The following SPNS1 variants were observed in gnomAD, a reference collection of about 807,000 sequenced individuals.
SPNS1 encodes protein spinster homolog 1.
In SPNS1, 22 loss-of-function variants were observed where a neutral mutation model predicts 50.3. The observed-to-expected ratio is 0.44, with a 90% confidence interval of 0.31 to 0.62. SPNS1 has a LOEUF of 0.62. Ranked by LOEUF, SPNS1 falls within the 20% of genes least tolerant of loss-of-function variation. The pLI is 0.07. For missense variants in SPNS1, 576 were observed against 728.6 expected (o/e 0.79, Z 2.41); for synonymous variants, 295 against 317.4 (o/e 0.93, Z 0.75).
Position 28,974,798 on chromosome 16 carries a change from C to G in SPNS1, c.-354C>G, listed in dbSNP as rs1965270646. 2 of 1,535,612 alleles carry G rather than the reference C, an allele frequency of 1.3e-6. No homozygotes were observed. Among genetic ancestry groups the G allele is most frequent in the Admixed American group, 2.0e-5 (1 of 50,962 alleles). Reference sequence around the variant, plus strand: ...GCGTCACATGACCGGCTTTAAGCAACATGGCGGCTGCCGTGGTGCAGCGCC... The same window carrying G: ...GCGTCACATGACCGGCTTTAAGCAAGATGGCGGCTGCCGTGGTGCAGCGCC... On this transcript the variant is annotated 5_prime_UTR_variant, in exon 1 of 12. Transcript: ENST00000311008.
intron 2 of SPNS1, 62 bp from the exon 3 acceptor site, chr16:28,977,846 C>T: frequency 3.8e-6 from 6 of 1,587,148 alleles, no homozygotes; most frequent in Non-Finnish European, 5.2e-6. Flanking sequence ...GTGGTTCCAG[C>T]TGGGGTGGGA....
rs1965641330 is a variant in SPNS1, at chr16:28,983,690, C to T, written c.1321-96C>T. The T allele has an allele frequency of 7.2e-7, 1 of 1,379,750 alleles. No homozygotes were observed. Among genetic ancestry groups the T allele is most frequent in the Non-Finnish European group, 9.7e-7 (1 of 1,025,840 alleles). The allele number at this position is 1,379,750 out of a possible 1,614,324, so 85.5% of individuals were successfully genotyped here. A position where few individuals can be genotyped will look rare whatever the true frequency, so the allele number is the denominator to read the frequency against. ...CTCAAACCTCCTTCCCTTTCCTGGG[C>T]TCCACTTGTCTTTCTCCCTGGAGCT... On this transcript the variant is annotated intron_variant, in intron 10 of 11. Coordinates refer to ENST00000311008, the MANE Select transcript of SPNS1 (RefSeq NM_032038.3). The surrounding 1 kb of genome is among the most constrained non-coding windows in gnomAD (Gnocchi z 5.4).
chr16:28,978,196 C>G, intron 3 of SPNS1, 152 bp downstream of exon 3: 1 of 1,002,500 alleles, frequency 1.0e-6, no homozygotes, highest in Non-Finnish European at 1.5e-6. Flanking sequence ...CTGAGTTAAC[C>G]TGCCCCACCC....
chr16:28,984,263 C>T lies in SPNS1; in HGVS notation c.1551C>T (p.Arg517=), dbSNP rs750585579. ...DDRIVVPQRG[R]STRVPVASVL... Reference sequence around the variant, plus strand: ...GGATTGTGGTGCCCCAGCGGGGCCGCTCCACCCGCGTGCCCGTGGCCAGTG... The same window carrying T: ...GGATTGTGGTGCCCCAGCGGGGCCGTTCCACCCGCGTGCCCGTGGCCAGTG... The change falls in exon 12 of 12, where the codon CGC becomes CGT. Residue 517 remains arginine, a synonymous_variant. Coordinates refer to ENST00000311008, the MANE Select transcript of SPNS1 (RefSeq NM_032038.3). The T allele has an allele frequency of 6.2e-7, 1 of 1,612,266 alleles. No individual in the cohort carries two copies.
chr16:28,979,460 T>C lies in SPNS1; in HGVS notation c.652T>C (p.Trp218Arg). The C allele has an allele frequency of 6.2e-7, 1 of 1,614,146 alleles. No individual in the cohort carries two copies. Among genetic ancestry groups the C allele is most frequent in the Non-Finnish European group, 8.5e-7 (1 of 1,180,022 alleles). ...GAAGGATATGGCTGGAGACTGGCAC[T>C]GGGCTCTGAGGGTGAGTCTGGTCTT... ...KVKDMAGDWH[W>R]ALRVTPGLGV... Residue 218 changes from tryptophan (W) to arginine (R), a missense_variant, in exon 5 of 12, where the codon TGG (tryptophan) becomes CGG (arginine). Transcript: ENST00000311008.
At position 28,984,434 on chromosome 16, in the gene SPNS1, A is replaced by C; in HGVS notation, c.*135A>C. The C allele has an allele frequency of 1.1e-6, 1 of 901,984 alleles. No individual in the cohort carries two copies. Among genetic ancestry groups the C allele is most frequent in the Non-Finnish European group, 1.8e-6 (1 of 566,682 alleles). The allele number at this position is 901,984 out of a possible 1,614,324, so 55.9% of individuals were successfully genotyped here. A position where few individuals can be genotyped will look rare whatever the true frequency, so the allele number is the denominator to read the frequency against. On this transcript the variant is annotated 3_prime_UTR_variant, in exon 12 of 12. Coordinates refer to ENST00000311008, the MANE Select transcript of SPNS1 (RefSeq NM_032038.3). Reference sequence around the variant, plus strand: ...GGCCGTGTGCCAGCTCCCAGACACTACCTGGGTAGCTCAGGGGAGGAGGTG... The same window carrying C: ...GGCCGTGTGCCAGCTCCCAGACACTCCCTGGGTAGCTCAGGGGAGGAGGTG...
At chr16:28,984,579 C>T, downstream of SPNS1, 3 of 614,064 alleles carry the variant, frequency 4.9e-6, no homozygotes, top group East Asian at 2.7e-5. Context: ...TCTGGGTGGC[C>T]TCTGATCTTG....
rs778627264 is a variant in SPNS1 at position 28,981,166 on chromosome 16, G to T, written c.664-304G>T. 6.6e-6 allele frequency among the ~76,000 whole-genome samples: 1 copy of T among 152,176 alleles called. No individual in the cohort carries two copies. The highest frequency in any genetic ancestry group is 1.5e-5 in the Non-Finnish European group (1 of 68,036). On this transcript the variant is annotated intron_variant, in intron 5 of 11. Coordinates refer to ENST00000311008, the MANE Select transcript of SPNS1 (RefSeq NM_032038.3). The surrounding 1 kb of genome is among the most constrained non-coding windows in gnomAD (Gnocchi z 4.2). ...CGGAATCCGTCACCGAGGCTGGGGT[G>T]GTTAACAGTCCTCTTGTTGGCCAAG...
intron 2 of SPNS1, among the ~76,000 whole-genome samples, chr16:28,975,839 C>G (rs1273260667): frequency 6.6e-6 from 1 of 152,254 alleles, no homozygotes; most frequent in South Asian, 2.1e-4. Context: ...CTCAACCTCT[C>G]TAAGCCTCAT....
intron 2 of SPNS1, 110 bp downstream of exon 2, chr16:28,975,667 GT>G: frequency 8.2e-7 from 1 of 1,220,618 alleles, no homozygotes; most frequent in Non-Finnish European, 1.2e-6. Context: ...TTTGTGGCCA[GT>G]TAGGGGAGGT....
In SPNS1 at chr16:28,984,185, C is replaced by T; in HGVS notation, c.1493-20C>T. 2 of 1,547,638 alleles carry T rather than the reference C, an allele frequency of 1.3e-6. No individual in the cohort carries two copies. Among genetic ancestry groups the T allele is most frequent in the Non-Finnish European group, 1.7e-6 (2 of 1,146,102 alleles). On this transcript the variant is annotated intron_variant, in intron 11 of 11. Transcript: ENST00000311008. ...TGTCTGTCCATCCAGCTCACCCTGG[C>T]TCTGACCCTCCCCCCTCAGGCCTGC...
In SPNS1 at chr16:28,984,343, T is replaced by C; in HGVS notation, c.*44T>C. 1 of 1,582,036 alleles carries C rather than the reference T, an allele frequency of 6.3e-7. No homozygotes were observed. Among genetic ancestry groups the C allele is most frequent in the Non-Finnish European group, 8.6e-7 (1 of 1,160,496 alleles). On this transcript the variant is annotated 3_prime_UTR_variant, in exon 12 of 12. Coordinates refer to ENST00000311008, the MANE Select transcript of SPNS1 (RefSeq NM_032038.3). ...CCTGCACATCTGCCACAGCTGGCCC[T>C]GGGCCCACCCCACGAAGGGCCTGGG...
chr16:28,981,306 T>C lies in SPNS1; in HGVS notation c.664-164T>C. On this transcript the variant is annotated intron_variant, in intron 5 of 11. Coordinates refer to ENST00000311008, the MANE Select transcript of SPNS1 (RefSeq NM_032038.3). This position sits in a 1 kb window ranked among gnomAD's most constrained non-coding sequence, Gnocchi z 4.2. ...CTTGCAAAAATAGGGTGGCCCCTAG[T>C]GGCAGCCCCCTTCCCCCAGATTGCA... 1 of 876,320 alleles carries C rather than the reference T, an allele frequency of 1.1e-6. No homozygotes were observed. The highest frequency in any genetic ancestry group is 1.7e-5 in the African/African-American group (1 of 58,996). 54.3% of individuals were successfully genotyped at this position (876,320 alleles called of 1,614,324 possible).
At chr16:28,975,618 G>T in intron 2 of SPNS1, 61 bp downstream of exon 2, 1 of 1,588,344 alleles carries the variant, frequency 6.3e-7, no homozygotes, top group Admixed American at 1.7e-5. Flanking sequence ...CTCAAGTGGG[G>T]CCACGCGCTG....
chr16:28,984,112 C>G, intron 11 of SPNS1, 93 bp from the exon 12 acceptor site: 1 of 1,450,344 alleles, frequency 6.9e-7, no homozygotes, highest in South Asian at 1.3e-5. Flanking sequence ...GGCTCTGTGG[C>G]TGCCCCATCC....
chr16:28,981,855 C>T lies in SPNS1; in HGVS notation c.810-46C>T, dbSNP rs763697909. ...GGAGAAGAGAGGTCCCCTCCTGCCT[C>T]GACACCTCCGTGGGGTCTTACTCTC... On this transcript the variant is annotated intron_variant, in intron 6 of 11. Coordinates refer to ENST00000311008, the MANE Select transcript of SPNS1 (RefSeq NM_032038.3). The surrounding 1 kb of genome is among the most constrained non-coding windows in gnomAD (Gnocchi z 4.2). 1.6e-5 allele frequency: 26 copies of T among 1,607,004 alleles called. No homozygotes were observed. Among genetic ancestry groups the T allele is most frequent in the Non-Finnish European group, 2.1e-5 (25 of 1,174,978 alleles).
At chr16:28,980,996 AC>A (rs1196985608) in intron 5 of SPNS1, among the ~76,000 whole-genome samples, 28 of 152,312 alleles carry the variant, frequency 1.8e-4, no homozygotes, top group Middle Eastern at 3.4e-3. Context: ...TCTGAGCTTT[AC>A]TTTCCTTTGT....
chr16:28,979,145 C>T lies in SPNS1; in HGVS notation c.445-10C>T. On this transcript the variant is annotated splice_polypyrimidine_tract_variant and intron_variant, in intron 3 of 11. Coordinates refer to ENST00000311008, the MANE Select transcript of SPNS1 (RefSeq NM_032038.3). ...CTGGGGTGCCACCTCTCCCCGGTCT[C>T]TCTCCCCAGCATTTCTGGCTGCTCC... 6.2e-7 allele frequency: 1 copy of T among 1,612,594 alleles called. No individual in the cohort carries two copies. The highest frequency in any genetic ancestry group is 1.7e-4 in the Middle Eastern group (1 of 5,976).
intron 2 of SPNS1, among the ~76,000 whole-genome samples, chr16:28,977,274 CACAGCACTCCAACCTG>C (rs1328814494): frequency 6.7e-6 from 1 of 149,830 alleles, no homozygotes; most frequent in Non-Finnish European, 1.5e-5. Flanking sequence ...GAGATCGCGC[CACAGCACTCCAACCTG>C]ACAACAGAGC....
Sources: allele counts gnomAD v4.1 joint callset (sites outside exome capture counted in the v4.1 genomes callset), GRCh38; gene constraint gnomAD v4.1.1; non-coding constraint Gnocchi (gnomAD v3.1); transcripts MANE v1.5; gene names NCBI Gene and HGNC (gene_info 2026-07-23, HGNC 2026-07-21).